PCDHA1: variants seen among roughly 807,000 people sequenced by gnomAD.
PCDHA1 encodes protocadherin alpha 1, also known as protocadherin alpha-1.
A neutral mutation model predicts 61.3 loss-of-function variants in PCDHA1; 42 were observed. That is an observed-to-expected ratio of 0.69 (90% CI 0.54 to 0.89). PCDHA1 has a LOEUF of 0.89. Among genes scored for constraint, PCDHA1 ranks in the 40% least tolerant of loss-of-function variants. The pLI, the probability that PCDHA1 is intolerant of heterozygous loss-of-function variation, is 0.00. For synonymous variants in PCDHA1, 610 were observed against 553.8 expected (o/e 1.10, Z -1.43); for missense variants, 1,256 against 1,235.3 (o/e 1.02, Z -0.25).
chr5:140,863,239 T>C (rs1554158001), intron 1 of PCDHA1: 26 of 1,323,164 alleles, frequency 2.0e-5, no homozygotes, highest in African/African-American at 2.9e-5. Context: ...ATCGCGGGCT[T>C]TGGCGGGCGT....
rs2150111740 is a variant in PCDHA1, at chr5:140,821,897, G to C, written c.2394+33213G>C. 13 of 1,614,240 alleles carry C rather than the reference G, an allele frequency of 8.1e-6. No individual in the cohort carries two copies. In the Admixed American group the frequency reaches 2.2e-4, roughly 27 times the overall value. On this transcript the variant is annotated intron_variant, in intron 1 of 3. Transcript: ENST00000504120. Reference sequence around the variant, plus strand: ...TCGATCCCGGAGGAAGCCAAACACGGAACCTTCGTTGGCCGCATCGCGCAG... The same window carrying C: ...TCGATCCCGGAGGAAGCCAAACACGCAACCTTCGTTGGCCGCATCGCGCAG...
intron 1 of PCDHA1, chr5:140,805,525 A>T: frequency 1.0e-6 from 1 of 986,958 alleles, no homozygotes; most frequent in Non-Finnish European, 1.2e-6. Flanking sequence ...GTTTAGACAA[A>T]CAGGATGAAA....
At chr5:140,906,914 GC>G (rs2073038837) in intron 1 of PCDHA1, among the ~76,000 whole-genome samples, 1 of 152,182 alleles carries the variant, frequency 6.6e-6, no homozygotes, top group Admixed American at 6.5e-5. Context: ...GGTAGGAGGA[GC>G]CCAAAAAGTG....
rs782581026 is a variant in PCDHA1, at chr5:140,795,352, C to A, written c.2394+6668C>A. The A allele has an allele frequency of 7.4e-6, 12 of 1,614,144 alleles. No homozygotes were observed. In the South Asian group the frequency reaches 1.2e-4, roughly 16 times the overall value. On this transcript the variant is annotated intron_variant, in intron 1 of 3. Transcript: ENST00000504120. ...GGAGGTGAAGGACATTAACGACAAC[C>A]CGCCAATATTTCCAATGACAGTAAA...
intron 3 of PCDHA1, among the ~76,000 whole-genome samples, chr5:140,989,525 GAGGA>G (rs2097345403): frequency 6.6e-6 from 1 of 152,218 alleles, no homozygotes; most frequent in African/African-American, 2.4e-5. Flanking sequence ...GAGGGCAGAG[GAGGA>G]AGATAGTTTG....
chr5:140,808,686 G>C, intron 1 of PCDHA1: 1 of 1,612,398 alleles, frequency 6.2e-7, no homozygotes, highest in Non-Finnish European at 8.5e-7. Context: ...CGGCGGGTAG[G>C]GGAGCGCGCG....
chr5:140,801,685 G>T (rs111499856), intron 1 of PCDHA1: 3 of 1,614,084 alleles, frequency 1.9e-6, no homozygotes, highest in Non-Finnish European at 2.5e-6. Context: ...GCAGATATCG[G>T]AACAAATTCG....
At chr5:140,816,654 C>T (rs1554127103) in intron 1 of PCDHA1, 1 of 152,082 alleles carries the variant, frequency 6.6e-6, no homozygotes, top group Non-Finnish European at 1.5e-5. Flanking sequence ...CTCTTCCAGT[C>T]TTTATGGACT....
rs373157192 is a variant in PCDHA1, at chr5:140,869,487, C to G, written c.2394+80803C>G. On this transcript the variant is annotated intron_variant, in intron 1 of 3. Transcript: ENST00000504120. ...ACGTGGAGGTGAAGGACATTAACGA[C>G]AACCCGCCGGTGTTCTCGCTCAGAG... The G allele has an allele frequency of 3.1e-6, 5 of 1,614,180 alleles. No homozygotes were observed. The South Asian group carries it at 5.5e-5, about 18-fold the overall frequency.
At chr5:140,920,611 C>T (rs919244668) in intron 1 of PCDHA1, among the ~76,000 whole-genome samples, 4 of 152,068 alleles carry the variant, frequency 2.6e-5, no homozygotes, top group Non-Finnish European at 5.9e-5. Flanking sequence ...TTTGGGAGGC[C>T]GAGGCGGATG....
intron 1 of PCDHA1, chr5:140,877,514 G>C: frequency 6.2e-7 from 1 of 1,613,764 alleles, no homozygotes; most frequent in South Asian, 1.1e-5. Context: ...ACGTCGTCGC[G>C]GGCCTCAGTG....
At chr5:140,799,549 A>T (rs1762443385) in intron 1 of PCDHA1, among the ~76,000 whole-genome samples, 1 of 152,124 alleles carries the variant, frequency 6.6e-6, no homozygotes, top group Non-Finnish European at 1.5e-5. Context: ...GCACAATATA[A>T]TCATTTAGAA....
intron 3 of PCDHA1, 87 bp downstream of exon 3, chr5:140,982,650 C>T (rs1299219435): frequency 4.6e-6 from 7 of 1,507,000 alleles, no homozygotes; most frequent in Non-Finnish European, 5.3e-6. Flanking sequence ...ATGTTGATGG[C>T]TCTTTTTCTT....
At chr5:140,883,366 C>T (rs34923516) in intron 1 of PCDHA1, 1 of 1,614,174 alleles carries the variant, frequency 6.2e-7, no homozygotes, top group South Asian at 1.1e-5. Context: ...CTCAGCCTAG[C>T]GCCATTATTG....
chr5:140,809,746 C>T (rs546694541), intron 1 of PCDHA1: 347 of 665,552 alleles, frequency 5.2e-4, no homozygotes, highest in Middle Eastern at 8.3e-4. Flanking sequence ...TATATATTGC[C>T]TTCCTTCATT....
chr5:140,801,783 T>C (rs561536628), intron 1 of PCDHA1: 19 of 1,613,816 alleles, frequency 1.2e-5, no homozygotes, highest in Admixed American at 5.0e-5. Flanking sequence ...TGGACTCGTG[T>C]TGAAAAAAAA....
At chr5:140,909,747 G>T (rs1554193902) in intron 1 of PCDHA1, among the ~76,000 whole-genome samples, 1 of 152,146 alleles carries the variant, frequency 6.6e-6, no homozygotes, top group East Asian at 1.9e-4. Context: ...CTGGGGAAAT[G>T]ACCACAGGAT....
intron 1 of PCDHA1, chr5:140,824,890 A>G (rs995906531): frequency 2.0e-5 from 3 of 151,970 alleles, no homozygotes; most frequent in African/African-American, 7.3e-5. Context: ...GTTTATTTCA[A>G]CTTTGCCTAA....
intron 1 of PCDHA1, chr5:140,802,173 G>T: frequency 1.2e-6 from 2 of 1,614,198 alleles, no homozygotes; most frequent in Non-Finnish European, 1.7e-6. Context: ...CACGGATAAA[G>T]GAAATCCCCC....
Sources: allele counts gnomAD v4.1 joint callset (sites outside exome capture counted in the v4.1 genomes callset), GRCh38; gene constraint gnomAD v4.1.1; transcripts MANE v1.5; gene names NCBI Gene and HGNC (gene_info 2026-07-23, HGNC 2026-07-21).